Variants in FAM107A observed in about 807,000 individuals in gnomAD.
FAM107A encodes actin-associated protein FAM107A.
Under a neutral mutation model 13.7 loss-of-function variants are expected in FAM107A, and 19 were observed. The ratio of observed to expected loss-of-function variants is 1.38; its 90% CI spans 0.97 to 2.03. The LOEUF is 2.03. Among genes scored for constraint, FAM107A ranks in the 30% most tolerant of loss-of-function variants. The pLI is 0.00. For synonymous variants in FAM107A, 82 were observed against 74.5 expected, an observed-to-expected ratio of 1.10 and a Z score of -0.52; for missense variants, 203 against 184.4, an observed-to-expected ratio of 1.10 and a Z score of -0.58.
Position 58,567,370 on chromosome 3 carries a change from G to C in FAM107A, c.171-6C>G. ...TGCTGTCCACACCAAGGCCCCTGGG[G>C]TGGGAAGTGGGGAGCTGTCAGGAGA... On this transcript the variant is annotated splice_polypyrimidine_tract_variant and splice_region_variant and intron_variant, in intron 2 of 3. Transcript: ENST00000360997. 1 of 1,607,896 alleles carries C rather than the reference G, an allele frequency of 6.2e-7. No individual in the cohort carries two copies. Among genetic ancestry groups the C allele is most frequent in the Non-Finnish European group, 8.5e-7 (1 of 1,177,664 alleles).
rs1373699364 is a variant in FAM107A at position 58,613,628 on chromosome 3, T to C, written c.-70+13788A>G. ...GTTGCCCTCTTTTTGCCTGGCTTCT[T>C]CCTTCAGGACTCTGCTTAGATGGCA... is the stretch of plus-strand genomic sequence containing the variant. On this transcript the variant is annotated intron_variant, in intron 1 of 3. Coordinates refer to the FAM107A transcript ENST00000465970. This position sits in a 1 kb window ranked among gnomAD's most constrained non-coding sequence, Gnocchi z 4.6. Among the ~76,000 whole-genome samples the C allele has an allele frequency of 6.6e-6, 1 of 152,192 alleles. No individual in the cohort carries two copies. Among genetic ancestry groups the C allele is most frequent in the Non-Finnish European group, 1.5e-5 (1 of 68,026 alleles).
Position 58,567,182 on chromosome 3 carries a change from G to A in FAM107A, c.327+26C>T, listed in dbSNP as rs762344861. The A allele has an allele frequency of 2.5e-6, 4 of 1,613,838 alleles. No individual in the cohort carries two copies. The African/African-American group carries it at 5.3e-5, about 22-fold the overall frequency. On this transcript the variant is annotated intron_variant, in intron 3 of 3. Coordinates refer to ENST00000360997, the MANE Select transcript of FAM107A (RefSeq NM_001076778.3). ...GGAGGACAGCCCTGGAGGATGCGTG[G>A]TCCCTGCTGGGTGCCCATCACCCAC...
chr3:58,584,150 T>C (rs948308801), intron 1 of FAM107A, among the ~76,000 whole-genome samples: 2 of 152,104 alleles, frequency 1.3e-5, no homozygotes, highest in African/African-American at 2.4e-5. Context: ...ACGGTCCTGG[T>C]TGGAATCTCA....
upstream of FAM107A, chr3:58,589,325 G>A: frequency 8.5e-7 from 1 of 1,175,616 alleles, no homozygotes; most frequent in South Asian, 1.3e-5. Flanking sequence ...TTGGCTGAGG[G>A]AGGGGTGATA....
Position 58,619,990 on chromosome 3 carries a change from C to A in FAM107A, c.-70+7426G>T, listed in dbSNP as rs546788099. On this transcript the variant is annotated intron_variant, in intron 1 of 3. Coordinates refer to the FAM107A transcript ENST00000465970. Reference sequence around the variant, plus strand: ...GGGATTCAGTCTATGTCCCTTCCCCCCAGCCTGAAGTTCTGCATGGATCCT... The same window carrying A: ...GGGATTCAGTCTATGTCCCTTCCCCACAGCCTGAAGTTCTGCATGGATCCT... 3.1e-3 allele frequency among the ~76,000 whole-genome samples: 473 copies of A among 152,208 alleles called. 4 individuals are homozygous for A. The highest frequency in any genetic ancestry group is 0.011 in the African/African-American group (452 of 41,520).
intron 1 of FAM107A, among the ~76,000 whole-genome samples, chr3:58,572,080 A>T (rs1575439695): frequency 6.6e-6 from 1 of 152,240 alleles, no homozygotes; most frequent in Admixed American, 6.5e-5. Context: ...GAGTTCAAGA[A>T]TGTGGCCAGA....
intron 3 of FAM107A, 122 bp from the exon 4 acceptor site, chr3:58,566,817 T>A: frequency 1.4e-6 from 1 of 739,456 alleles, no homozygotes; most frequent in South Asian, 1.6e-5. Context: ...TGGGGATGAG[T>A]TTTGCTATCA....
At chr3:58,567,814 A>T (rs937981648) in intron 2 of FAM107A, among the ~76,000 whole-genome samples, 2 of 152,138 alleles carry the variant, frequency 1.3e-5, no homozygotes, top group African/African-American at 4.8e-5. Context: ...ATCTTTTCAT[A>T]TTTGAGAATC....
chr3:58,595,634 C>T (rs1295965910), intron 1 of FAM107A, among the ~76,000 whole-genome samples: 1 of 152,202 alleles, frequency 6.6e-6, no homozygotes, highest in Non-Finnish European at 1.5e-5. Context: ...TCCCACCACC[C>T]TTTGCTGACT....
chr3:58,566,897 C>G lies in FAM107A; in HGVS notation c.328-202G>C, dbSNP rs538155452. The stretch of plus-strand genomic sequence containing the variant: ...GCAGCCTGGTTCAAATCACTCACCC[C>G]CTCTGGGCCTCAGCTTCCCCATCTC... On this transcript the variant is annotated intron_variant, in intron 3 of 3. Coordinates refer to ENST00000360997, the MANE Select transcript of FAM107A (RefSeq NM_001076778.3). The G allele has an allele frequency of 1.3e-5, 8 of 608,252 alleles. No individual in the cohort carries two copies. In the Admixed American group the frequency reaches 1.5e-4, roughly 11 times the overall value. 37.7% of individuals were successfully genotyped at this position (608,252 alleles called of 1,614,324 possible). A position where few individuals can be genotyped will look rare whatever the true frequency, so the allele number is the denominator to read the frequency against.
At position 58,610,322 on chromosome 3, in the gene FAM107A, G is replaced by T. The variant is rs543542886; in HGVS notation, c.-70+17094C>A. On this transcript the variant is annotated intron_variant, in intron 1 of 3. Coordinates refer to the FAM107A transcript ENST00000465970. ...ACACGGCTGGCAAGTGGCATCCCAGGTTTGTCTCATGCCGGACCCCTTACC... is the reference window on the plus strand; with the variant it reads ...ACACGGCTGGCAAGTGGCATCCCAGTTTTGTCTCATGCCGGACCCCTTACC... 5.3e-5 allele frequency among the ~76,000 whole-genome samples: 8 copies of T among 152,320 alleles called. 1 individual carries two copies. In the South Asian group the frequency reaches 1.7e-3, roughly 32 times the overall value.
intron 1 of FAM107A, among the ~76,000 whole-genome samples, chr3:58,583,578 C>T (rs562006940): frequency 4.6e-5 from 7 of 151,892 alleles, no homozygotes; most frequent in South Asian, 2.1e-4. Flanking sequence ...GCTGAGATCC[C>T]GCCATTGCAC....
rs1419060907 is a variant in FAM107A at position 58,566,338 on chromosome 3, C to T, written c.*250G>A. 2.1e-6 allele frequency: 1 copy of T among 484,270 alleles called. No individual in the cohort carries two copies. The highest frequency in any genetic ancestry group is 3.6e-6 in the Non-Finnish European group (1 of 274,758). The allele number at this position is 484,270 out of a possible 1,614,324, so 30.0% of individuals were successfully genotyped here. Reference sequence around the variant, plus strand: ...AAGCTCCTGTGCTGGGCTCTGAACCCCTTGCAGGGAGGGGTGCAGGTTATC... The same window carrying T: ...AAGCTCCTGTGCTGGGCTCTGAACCTCTTGCAGGGAGGGGTGCAGGTTATC... On this transcript the variant is annotated 3_prime_UTR_variant, in exon 4 of 4. Transcript: ENST00000360997.
intron 1 of FAM107A, chr3:58,627,149 T>C: frequency 1.4e-6 from 1 of 698,022 alleles, no homozygotes; most frequent in South Asian, 1.7e-5. Flanking sequence ...AAGGCGGCTT[T>C]CACAGCTGCT....
chr3:58,611,112 T>C (rs2065849933), intron 1 of FAM107A, among the ~76,000 whole-genome samples: 1 of 152,206 alleles, frequency 6.6e-6, no homozygotes. Context: ...TTTCTTTCCC[T>C]TTGCCTTCTG....
intron 1 of FAM107A, among the ~76,000 whole-genome samples, chr3:58,609,472 C>T (rs1391090393): frequency 1.3e-5 from 2 of 152,148 alleles, no homozygotes; most frequent in African/African-American, 4.8e-5. Flanking sequence ...TTCTAGTCTT[C>T]TTCTTATACA....
intron 1 of FAM107A, among the ~76,000 whole-genome samples, chr3:58,585,760 A>G (rs571590243): frequency 2.6e-5 from 4 of 152,342 alleles, no homozygotes; most frequent in Non-Finnish European, 5.9e-5. Context: ...GTCTCTCTCC[A>G]AGGAGAGTCG....
upstream of FAM107A, chr3:58,577,411 C>T: frequency 3.0e-6 from 3 of 985,344 alleles, no homozygotes; most frequent in South Asian, 4.7e-5. This position sits in a 1 kb window ranked among gnomAD's most constrained non-coding sequence, Gnocchi z 4.9. Flanking sequence ...CTCTAGAGGG[C>T]GGTTCTTAAA....
chr3:58,602,478 A>T (rs1237306757), intron 1 of FAM107A, among the ~76,000 whole-genome samples: 1 of 152,168 alleles, frequency 6.6e-6, no homozygotes, highest in East Asian at 1.9e-4. Context: ...AATTGAACAC[A>T]TTTCACAAAG....
Sources: allele counts gnomAD v4.1 joint callset (sites outside exome capture counted in the v4.1 genomes callset), GRCh38; gene constraint gnomAD v4.1.1; non-coding constraint Gnocchi (gnomAD v3.1); transcripts MANE v1.5; gene names NCBI Gene and HGNC (gene_info 2026-07-23, HGNC 2026-07-21).